The following ADAM15 variants were observed in gnomAD, a reference collection of about 807,000 sequenced individuals.
ADAM15 encodes ADAM metallopeptidase domain 15.
A neutral mutation model predicts 113.8 loss-of-function variants in ADAM15; 77 were observed. The observed-to-expected ratio is 0.68, with a 90% CI of 0.56 to 0.82. ADAM15 has a LOEUF of 0.82. Ranked by LOEUF, ADAM15 falls within the 40% of genes least tolerant of loss-of-function variation. ADAM15 has a pLI of 0.00. For synonymous variants in ADAM15, 388 were observed against 454.1 expected, an observed-to-expected ratio of 0.85 and a Z score of 1.85; for missense variants, 963 against 1,120.1, an observed-to-expected ratio of 0.86 and a Z score of 2.00.
Position 155,057,725 on chromosome 1 carries a change from G to T in ADAM15, c.1412G>T (p.Cys471Phe), listed in dbSNP as rs753741296. The stretch of plus-strand genomic sequence containing the variant: ...TCTGACGGACCCTGTTGTCAAAATT[G>T]CCAGGTGGGTAGAGACTAGACTGGC... ...CASDGPCCQN[C>F]QLRPSGWQCR... is the part of the protein sequence containing the mutation. The change falls in exon 13 of 23, where the codon TGC (cysteine) becomes TTC (phenylalanine). Residue 471 changes from cysteine (C) to phenylalanine (F), a missense_variant. Transcript: ENST00000356955. The surrounding 1 kb of genome is among the most constrained non-coding windows in gnomAD (Gnocchi z 5.0). 1 of 1,614,186 alleles carries T rather than the reference G, an allele frequency of 6.2e-7. No individual in the cohort carries two copies. Among genetic ancestry groups the T allele is most frequent in the Non-Finnish European group, 8.5e-7 (1 of 1,180,036 alleles).
chr1:155,057,707 G>A lies in ADAM15; in HGVS notation c.1394G>A (p.Gly465Glu). The A allele has an allele frequency of 6.2e-7, 1 of 1,614,196 alleles. No homozygotes were observed. Among genetic ancestry groups the A allele is most frequent in the Non-Finnish European group, 8.5e-7 (1 of 1,180,038 alleles). The change falls in exon 13 of 23, where the codon GGA (glycine) becomes GAA (glutamate). Residue 465 changes from glycine to glutamate, a missense_variant. Coordinates refer to ENST00000356955, the MANE Select transcript of ADAM15 (RefSeq NM_207197.3). The surrounding 1 kb of genome is among the most constrained non-coding windows in gnomAD (Gnocchi z 5.0). ...CCAGGTGCACAGTGTGCATCTGACG[G>A]ACCCTGTTGTCAAAATTGCCAGGTG... is the stretch of plus-strand genomic sequence containing the variant. ...LRPGAQCASDGPCCQNCQLRP... is the reference protein window; with the variant it reads ...LRPGAQCASDEPCCQNCQLRP...
At chr1:155,059,878 C>T (rs1300927479) in intron 16 of ADAM15, 24 bp from the exon 17 acceptor site, 3 of 1,611,570 alleles carry the variant, frequency 1.9e-6, no homozygotes, top group African/African-American at 2.7e-5. Flanking sequence ...CAGAGCTCCT[C>T]ATTGCTCGCC....
At chr1:155,059,756 A>G in intron 16 of ADAM15, 146 bp from the exon 17 acceptor site, 1 of 787,908 alleles carries the variant, frequency 1.3e-6, no homozygotes, top group South Asian at 1.7e-5. Flanking sequence ...TTGCTCTGGT[A>G]TGGATAAAGA....
chr1:155,060,677 G>A, intron 18 of ADAM15, 86 bp from the exon 19 acceptor site: 1 of 1,436,308 alleles, frequency 7.0e-7, no homozygotes, highest in South Asian at 1.2e-5. Context: ...TGCCTGCAAA[G>A]GGTTAACCCC....
At chr1:155,059,259 G>A (rs2102415952) in intron 16 of ADAM15, among the ~76,000 whole-genome samples, 1 of 152,184 alleles carries the variant, frequency 6.6e-6, no homozygotes, top group East Asian at 1.9e-4. Flanking sequence ...GTAGAGATGG[G>A]TTTCACCATG....
chr1:155,054,061 A>G lies in ADAM15; in HGVS notation c.342+73A>G, dbSNP rs6676189. 3.7e-6 allele frequency: 6 copies of G among 1,611,886 alleles called. No individual in the cohort carries two copies. In the African/African-American group the frequency reaches 8.0e-5, roughly 22 times the overall value. On this transcript the variant is annotated intron_variant, in intron 4 of 22. Coordinates refer to ENST00000356955, the MANE Select transcript of ADAM15 (RefSeq NM_207197.3). ...GGGGGTGGCTGGAAGGTGAGAGGAC[A>G]CTGCATATTTTTACCGTCAAGCTAG... is the stretch of plus-strand genomic sequence containing the variant.
intron 18 of ADAM15, among the ~76,000 whole-genome samples, 168 bp from the exon 19 acceptor site, chr1:155,060,595 G>A (rs1662435141): frequency 6.6e-6 from 1 of 152,156 alleles, no homozygotes; most frequent in African/African-American, 2.4e-5. Context: ...GATAAGTAGG[G>A]TCTTCCCTCA....
chr1:155,053,775 C>A (rs1317185722), intron 3 of ADAM15, 135 bp from the exon 4 acceptor site: 1 of 1,003,854 alleles, frequency 1.0e-6, no homozygotes, highest in Non-Finnish European at 1.5e-6. Context: ...CTTTGCTGCC[C>A]CGGGGTCAGG....
At position 155,058,058 on chromosome 1, in the gene ADAM15, G is replaced by A. The variant is rs149542900; in HGVS notation, c.1624G>A (p.Ala542Thr). 1,505 of 1,614,074 alleles carry A rather than the reference G, an allele frequency of 9.3e-4. 1 individual carries two copies. The highest frequency in any genetic ancestry group is 1.2e-3 in the Non-Finnish European group (1,363 of 1,179,988). Residue 542 changes from alanine (A) to threonine (T), a missense_variant, in exon 14 of 23, where the codon GCT becomes ACT. Ala to Thr is a moderately conservative substitution (Grantham distance 58, BLOSUM62 0). Transcript: ENST00000356955. This position sits in a 1 kb window ranked among gnomAD's most constrained non-coding sequence, Gnocchi z 4.3. ...ACTTTGGGGACCTGGAGCCCAGCCC[G>A]CTGCGCCACTTTGCCTCCAGACAGC... ...QSLWGPGAQP[A>T]APLCLQTANT...
chr1:155,058,700 C>T lies in ADAM15; in HGVS notation c.1918-10C>T, dbSNP rs1278544797. 3 of 1,612,684 alleles carry T rather than the reference C, an allele frequency of 1.9e-6. No homozygotes were observed. The highest frequency in any genetic ancestry group is 1.7e-5 in the Admixed American group (1 of 59,802). On this transcript the variant is annotated splice_polypyrimidine_tract_variant and intron_variant, in intron 15 of 22. Coordinates refer to ENST00000356955, the MANE Select transcript of ADAM15 (RefSeq NM_207197.3). This position sits in a 1 kb window ranked among gnomAD's most constrained non-coding sequence, Gnocchi z 4.3. Reference sequence around the variant, plus strand: ...GGAATCTGATCCAGGCTCTTCTCTCCCTGGGTCAGGTGTGTATAGACCATC... The same window carrying T: ...GGAATCTGATCCAGGCTCTTCTCTCTCTGGGTCAGGTGTGTATAGACCATC...
Position 155,062,209 on chromosome 1 carries a change from C to G in ADAM15, c.2425-36C>G. 6.9e-7 allele frequency: 1 copy of G among 1,446,774 alleles called. No individual in the cohort carries two copies. The highest frequency in any genetic ancestry group is 9.1e-7 in the Non-Finnish European group (1 of 1,096,946). The allele number at this position is 1,446,774 out of a possible 1,614,324, so 89.6% of individuals were successfully genotyped here. On this transcript the variant is annotated intron_variant, in intron 21 of 22. Coordinates refer to ENST00000356955, the MANE Select transcript of ADAM15 (RefSeq NM_207197.3). This position sits in a 1 kb window ranked among gnomAD's most constrained non-coding sequence, Gnocchi z 7.0. ...TTGGGGGTGGGCAACATGACACCCC[C>G]CCACCTAAGCCGGCCTCCTGCCTTC... is the stretch of plus-strand genomic sequence containing the variant.
chr1:155,054,557 C>T, intron 6 of ADAM15, 51 bp downstream of exon 6: 1 of 1,505,672 alleles, frequency 6.6e-7, no homozygotes, highest in East Asian at 2.3e-5. Context: ...AGGGCTGATC[C>T]CCAGACACTT....
chr1:155,053,737 TAACA>T (rs1408773805), intron 3 of ADAM15, among the ~76,000 whole-genome samples, 169 bp from the exon 4 acceptor site: 1 of 152,214 alleles, frequency 6.6e-6, no homozygotes, highest in African/African-American at 2.4e-5. Flanking sequence ...TCAAATAAAC[TAACA>T]GAGTCAGTGG....
At position 155,057,649 on chromosome 1, in the gene ADAM15, C is replaced by A. The variant is rs781356082; in HGVS notation, c.1336C>A (p.Pro446Thr). The change falls in exon 13 of 23, where the codon CCC becomes ACC. Residue 446 changes from proline (P) to threonine (T), a missense_variant. By Grantham distance (38) the Pro-to-Thr change is conservative. Transcript: ENST00000356955. The surrounding 1 kb of genome is among the most constrained non-coding windows in gnomAD (Gnocchi z 5.0). Reference sequence around the variant, plus strand: ...CTCCTGCCCACAGGACTGCGTCGATCCCTGCTGTGATTCTTTGACCTGCCA... The same window carrying A: ...CTCCTGCCCACAGGACTGCGTCGATACCTGCTGTGATTCTTTGACCTGCCA... Reference protein sequence around the residue: ...DCGFLDDCVDPCCDSLTCQLR... With the variant: ...DCGFLDDCVDTCCDSLTCQLR... 4 of 1,614,186 alleles carry A rather than the reference C, an allele frequency of 2.5e-6. No homozygotes were observed. The Admixed American group carries it at 5.0e-5, about 20-fold the overall frequency.
chr1:155,060,060 C>A, intron 17 of ADAM15, 86 bp downstream of exon 17: 1 of 1,578,800 alleles, frequency 6.3e-7, no homozygotes, highest in South Asian at 1.1e-5. Flanking sequence ...TCTTTCTGAC[C>A]CCCCTTTGCT....
chr1:155,059,850 G>T, intron 16 of ADAM15, 52 bp from the exon 17 acceptor site: 1 of 1,573,548 alleles, frequency 6.4e-7, no homozygotes, highest in South Asian at 1.1e-5. Flanking sequence ...CTAGAGACAA[G>T]GAAATAGTTC....
chr1:155,061,506 G>C lies in ADAM15; in HGVS notation c.2352+17G>C, dbSNP rs1032237562. ...AGACTCCAGGTAAATCTGGGCCAGGGCCCGCCCTGAGCCAAGGCAGGTGGG... is the reference window on the plus strand; with the variant it reads ...AGACTCCAGGTAAATCTGGGCCAGGCCCCGCCCTGAGCCAAGGCAGGTGGG... On this transcript the variant is annotated intron_variant, in intron 20 of 22. Transcript: ENST00000356955. 1.8e-5 allele frequency: 29 copies of C among 1,611,892 alleles called. No individual in the cohort carries two copies. The highest frequency in any genetic ancestry group is 2.4e-5 in the Non-Finnish European group (28 of 1,179,484).
rs1184079442 is a variant in ADAM15 at position 155,056,491 on chromosome 1, C to G, written c.999+21C>G. The G allele has an allele frequency of 4.4e-6, 7 of 1,606,270 alleles. No homozygotes were observed. The highest frequency in any genetic ancestry group is 6.0e-6 in the Non-Finnish European group (7 of 1,173,210). On this transcript the variant is annotated intron_variant, in intron 10 of 22. Transcript: ENST00000356955. The surrounding 1 kb of genome is among the most constrained non-coding windows in gnomAD (Gnocchi z 4.0). Reference sequence around the variant, plus strand: ...ACATGGTGAGTTATTTCCAGGTCTCCTCCTCATTCCCAATTCAGTTCCTCC... The same window carrying G: ...ACATGGTGAGTTATTTCCAGGTCTCGTCCTCATTCCCAATTCAGTTCCTCC...
At chr1:155,053,546 C>T in intron 3 of ADAM15, 53 bp downstream of exon 3, 1 of 1,576,480 alleles carries the variant, frequency 6.3e-7, no homozygotes. Flanking sequence ...ACTTGTATAG[C>T]ATTTATTATG....
Sources: allele counts gnomAD v4.1 joint callset (sites outside exome capture counted in the v4.1 genomes callset), GRCh38; gene constraint gnomAD v4.1.1; non-coding constraint Gnocchi (gnomAD v3.1); transcripts MANE v1.5; gene names NCBI Gene and HGNC (gene_info 2026-07-23, HGNC 2026-07-21).